Variants in LRRC4C observed in about 807,000 individuals in gnomAD.
The protein encoded by LRRC4C is leucine-rich repeat-containing protein 4C.
LRRC4C carries 5 observed loss-of-function variants against 33.6 expected under a neutral mutation model. The ratio of observed to expected loss-of-function variants is 0.15; its 90% CI spans 0.08 to 0.31. The LOEUF (loss-of-function observed/expected upper bound fraction) is 0.31. Ranked by LOEUF, LRRC4C falls within the 10% of genes least tolerant of loss-of-function variation. LRRC4C has a pLI of 1.00. For synonymous variants in LRRC4C, 329 were observed against 302.0 expected, an observed-to-expected ratio of 1.09 and a Z score of -0.93; for missense variants, 560 against 796.7, an observed-to-expected ratio of 0.70 and a Z score of 3.58.
At chr11:40,837,194 G>A (rs77502137) in intron 2 of LRRC4C, among the ~76,000 whole-genome samples, 1,569 of 152,214 alleles carry the variant, frequency 0.01, 27 homozygotes, top group African/African-American at 0.035. Flanking sequence ...TGTCTAGGCA[G>A]TTGTGACCTG....
intron 3 of LRRC4C, among the ~76,000 whole-genome samples, chr11:40,321,702 A>G (rs1945856903): frequency 6.6e-6 from 1 of 152,202 alleles, no homozygotes; most frequent in Admixed American, 6.5e-5. Context: ...AGTAGATTCT[A>G]TCAGATCGAT....
chr11:40,780,903 A>G (rs933566257), intron 2 of LRRC4C, among the ~76,000 whole-genome samples: 1 of 152,088 alleles, frequency 6.6e-6, no homozygotes, highest in Non-Finnish European at 1.5e-5. Context: ...AAAAGGGATC[A>G]GTGAAAGATG....
At chr11:40,708,352 T>G (rs1266293030) in intron 2 of LRRC4C, among the ~76,000 whole-genome samples, 1 of 152,196 alleles carries the variant, frequency 6.6e-6, no homozygotes, top group East Asian at 1.9e-4. Context: ...GGGCATTTAG[T>G]GCTATAAATT....
intron 1 of LRRC4C, among the ~76,000 whole-genome samples, chr11:41,224,921 T>C (rs373771349): frequency 3.3e-5 from 5 of 152,278 alleles, no homozygotes; most frequent in East Asian, 3.9e-4. Flanking sequence ...GTGGTACTTA[T>C]ATGCAATGGA....
chr11:41,231,210 T>A (rs1249045134), intron 1 of LRRC4C, among the ~76,000 whole-genome samples: 1 of 152,102 alleles, frequency 6.6e-6, no homozygotes, highest in Non-Finnish European at 1.5e-5. Flanking sequence ...GTGTGGTGAT[T>A]CCTCAGGGAT....
chr11:40,548,686 G>T (rs1221544458), intron 3 of LRRC4C, among the ~76,000 whole-genome samples: 1 of 152,042 alleles, frequency 6.6e-6, no homozygotes, highest in Non-Finnish European at 1.5e-5. Flanking sequence ...AGAACGAGGG[G>T]GCCATGATTG....
intron 1 of LRRC4C, among the ~76,000 whole-genome samples, chr11:41,045,425 C>T (rs958029171): frequency 6.6e-6 from 1 of 152,112 alleles, no homozygotes; most frequent in Admixed American, 6.6e-5. Flanking sequence ...GATAATTACT[C>T]CTCAACATTT....
At position 40,305,821 on chromosome 11, in the gene LRRC4C, G is replaced by T. The variant is rs113596486; in HGVS notation, c.-176+13807C>A. 5.0e-4 allele frequency among the ~76,000 whole-genome samples: 76 copies of T among 152,282 alleles called. 4 individuals are homozygous for T. In the South Asian group the frequency reaches 0.013, roughly 26 times the overall value. On this transcript the variant is annotated intron_variant, in intron 4 of 6. Coordinates refer to ENST00000528697, the MANE Select transcript of LRRC4C (RefSeq NM_001258419.2). Reference sequence around the variant, plus strand: ...TACACCTGTTCTACAGAATTACAAAGATTAATATGAAGTAATGCAGAAGAA... The same window carrying T: ...TACACCTGTTCTACAGAATTACAAATATTAATATGAAGTAATGCAGAAGAA...
chr11:40,310,112 C>A (rs1204196557), intron 4 of LRRC4C, among the ~76,000 whole-genome samples: 1 of 152,118 alleles, frequency 6.6e-6, no homozygotes, highest in Non-Finnish European at 1.5e-5. Context: ...CCCCACTTCT[C>A]CACTTATTTC....
chr11:41,383,376 G>A (rs907656476), intron 1 of LRRC4C, among the ~76,000 whole-genome samples: 2 of 151,918 alleles, frequency 1.3e-5, no homozygotes, highest in Non-Finnish European at 1.5e-5. Context: ...TTGTGGAAGC[G>A]GTACTATTTT....
At chr11:41,424,764 G>A (rs1590240309) in intron 1 of LRRC4C, among the ~76,000 whole-genome samples, 1 of 152,080 alleles carries the variant, frequency 6.6e-6, no homozygotes, top group East Asian at 1.9e-4. Context: ...CTGAAGAAAG[G>A]TCAAAAAGCT....
At chr11:41,196,958 C>T (rs569432621) in intron 1 of LRRC4C, among the ~76,000 whole-genome samples, 9 of 152,132 alleles carry the variant, frequency 5.9e-5, no homozygotes, top group Admixed American at 5.2e-4. Flanking sequence ...GGAAGAAAGA[C>T]ATTAAAGTAT....
At chr11:40,777,081 C>CT in intron 2 of LRRC4C, among the ~76,000 whole-genome samples, 1 of 152,112 alleles carries the variant, frequency 6.6e-6, no homozygotes, top group Non-Finnish European at 1.5e-5. Context: ...CCACTACGGT[C>CT]TGAGAGTATG....
chr11:41,332,582 G>T lies in LRRC4C; in HGVS notation c.-496+126849C>A, dbSNP rs532167778. On this transcript the variant is annotated intron_variant, in intron 1 of 6. Coordinates refer to ENST00000528697, the MANE Select transcript of LRRC4C (RefSeq NM_001258419.2). ...CTAAAATACACTAAACTCTTTTCTT[G>T]CTTATGACATATTCCAACACACACA... 5.9e-5 allele frequency among the ~76,000 whole-genome samples: 9 copies of T among 152,204 alleles called. No individual in the cohort carries two copies. In the South Asian group the frequency reaches 1.5e-3, roughly 25 times the overall value.
chr11:40,451,683 C>T (rs548939990), intron 3 of LRRC4C, among the ~76,000 whole-genome samples: 2 of 152,018 alleles, frequency 1.3e-5, no homozygotes, highest in East Asian at 3.9e-4. Context: ...CTGCACCCGG[C>T]CAGAAATGAT....
chr11:40,336,247 G>A (rs1410054448), intron 3 of LRRC4C, among the ~76,000 whole-genome samples: 2 of 152,090 alleles, frequency 1.3e-5, no homozygotes, highest in African/African-American at 2.4e-5. Flanking sequence ...GACAGACCGC[G>A]GAACTGCATA....
intron 6 of LRRC4C, among the ~76,000 whole-genome samples, chr11:40,118,521 T>G (rs1855599678): frequency 6.6e-6 from 1 of 152,132 alleles, no homozygotes; most frequent in African/African-American, 2.4e-5. Flanking sequence ...TCAGAGCAAC[T>G]TAATCTATGC....
chr11:40,981,902 T>C (rs1852569779), intron 1 of LRRC4C, among the ~76,000 whole-genome samples: 1 of 152,218 alleles, frequency 6.6e-6, no homozygotes, highest in Admixed American at 6.5e-5. Context: ...TGGCAAAGTA[T>C]TTAAACAACA....
chr11:41,270,514 C>A (rs1949286002), intron 1 of LRRC4C, among the ~76,000 whole-genome samples: 1 of 152,096 alleles, frequency 6.6e-6, no homozygotes, highest in African/African-American at 2.4e-5. Flanking sequence ...CTTAAAAAGG[C>A]AGGGTCTGCT....
Sources: allele counts gnomAD v4.1 joint callset (sites outside exome capture counted in the v4.1 genomes callset), GRCh38; gene constraint gnomAD v4.1.1; transcripts MANE v1.5; gene names NCBI Gene and HGNC (gene_info 2026-07-23, HGNC 2026-07-21).